The following CASZ1 variants were observed in gnomAD, a reference collection of about 807,000 sequenced individuals.
CASZ1 encodes the protein castor zinc finger 1, also known as zinc finger protein castor homolog 1.
In CASZ1, 28 loss-of-function variants were observed where a neutral mutation model predicts 135.2. That is an observed-to-expected ratio of 0.21 (90% CI 0.15 to 0.28). The LOEUF (loss-of-function observed/expected upper bound fraction) is 0.28, where lower values mean the gene tolerates loss of function less well. Among genes scored for constraint, CASZ1 ranks in the 10% least tolerant of loss-of-function variants. CASZ1 has a pLI of 1.00. For synonymous variants in CASZ1, 1,068 were observed against 1,073.4 expected (o/e 0.99, Z 0.10); for missense variants, 2,161 against 2,453.3 (o/e 0.88, Z 2.52).
rs1219629656 is a variant in CASZ1, at chr1:10,638,962, T to A, written c.5260A>T (p.Thr1754Ser). ...AALGAPGPAP[T>S]AASSP Reference sequence around the variant, plus strand: ...CGCCGCTAGGGCGAGGAGGCTGCAGTGGGCGCGGGGCCGGGGGCGCCCAGG... The same window carrying A: ...CGCCGCTAGGGCGAGGAGGCTGCAGAGGGCGCGGGGCCGGGGGCGCCCAGG... The change falls in exon 21 of 21, where the codon ACT (threonine) becomes TCT (serine). Residue 1754 changes from threonine (T) to serine (S), a missense_variant. Thr to Ser is a moderately conservative substitution (Grantham distance 58). Transcript: ENST00000377022. The surrounding 1 kb of genome is among the most constrained non-coding windows in gnomAD (Gnocchi z 5.9). The A allele has an allele frequency of 1.0e-5, 10 of 980,212 alleles. No individual in the cohort carries two copies. Among genetic ancestry groups the A allele is most frequent in the Non-Finnish European group, 1.1e-5 (9 of 828,214 alleles). The allele number at this position is 980,212 out of a possible 1,614,324, so 60.7% of individuals were successfully genotyped here.
intron 9 of CASZ1, 145 bp downstream of exon 9, chr1:10,655,504 G>A (rs999926977): frequency 1.2e-6 from 1 of 810,708 alleles, no homozygotes; most frequent in Non-Finnish European, 1.9e-6. Flanking sequence ...GGCCATCCCT[G>A]TGCTGGGCCA....
chr1:10,749,772 T>C (rs551601530), intron 2 of CASZ1, among the ~76,000 whole-genome samples: 14 of 152,316 alleles, frequency 9.2e-5, no homozygotes, highest in African/African-American at 3.1e-4. Flanking sequence ...AGCGTGCCCC[T>C]ATTTCTTAGA....
rs1254392157 is a variant in CASZ1 at position 10,653,668 on chromosome 1, T to A, written c.2389A>T (p.Thr797Ser). The A allele has an allele frequency of 6.4e-7, 1 of 1,556,002 alleles. No individual in the cohort carries two copies. The highest frequency in any genetic ancestry group is 2.3e-5 in the East Asian group (1 of 44,318). Residue 797 changes from threonine to serine, a missense_variant, in exon 11 of 21, where the codon ACC becomes TCC. This residue lies in a region of CASZ1 where 406 missense variants were observed against 387.6 expected (regional missense o/e 1.05). Coordinates refer to ENST00000377022, the MANE Select transcript of CASZ1 (RefSeq NM_001079843.3). The part of the protein sequence containing the change: ...ALALSNSGLP[T>S]PTPYFPILAG... ...AGTATGGGGAAGTAGGGCGTGGGGG[T>A]GGGCAGGCCCGAGTTGGAGAGGGCC...
At chr1:10,770,108 A>T (rs1640548768) in intron 1 of CASZ1, among the ~76,000 whole-genome samples, 1 of 151,678 alleles carries the variant, frequency 6.6e-6, no homozygotes, top group Non-Finnish European at 1.5e-5. Flanking sequence ...TTTTTGAGAC[A>T]GGGCCTGGCT....
chr1:10,685,104 C>T (rs1320631796), intron 4 of CASZ1, among the ~76,000 whole-genome samples: 1 of 152,258 alleles, frequency 6.6e-6, no homozygotes, highest in Non-Finnish European at 1.5e-5. Context: ...TTGGAAATTA[C>T]TCCTTACCCA....
Position 10,711,168 on chromosome 1 carries a change from G to A in CASZ1, c.-76-5624C>T, listed in dbSNP as rs1418144140. 2.6e-5 allele frequency among the ~76,000 whole-genome samples: 4 copies of A among 152,192 alleles called. No individual in the cohort carries two copies. The highest frequency in any genetic ancestry group is 1.9e-4 in the East Asian group (1 of 5,192). On this transcript the variant is annotated intron_variant, in intron 2 of 20. Coordinates refer to ENST00000377022, the MANE Select transcript of CASZ1 (RefSeq NM_001079843.3). This position sits in a 1 kb window ranked among gnomAD's most constrained non-coding sequence, Gnocchi z 4.4. ...AAGAAAAAGACAGCATACAAAAGTC[G>A]AGTTGGTGAGAATTGAGTTTGAATC...
chr1:10,777,725 C>T lies in CASZ1; in HGVS notation c.-233-16868G>A, dbSNP rs1006700774. ...TCTCATACAAAATCACACACAAAAC[C>T]ACATACCACGTTACAATCACACACA... On this transcript the variant is annotated intron_variant, in intron 1 of 20. Coordinates refer to ENST00000377022, the MANE Select transcript of CASZ1 (RefSeq NM_001079843.3). This position sits in a 1 kb window ranked among gnomAD's most constrained non-coding sequence, Gnocchi z 4.4. Among the ~76,000 whole-genome samples the T allele has an allele frequency of 6.6e-6, 1 of 151,364 alleles. No individual in the cohort carries two copies. The highest frequency in any genetic ancestry group is 2.1e-4 in the South Asian group (1 of 4,792).
At position 10,694,278 on chromosome 1, in the gene CASZ1, G is replaced by A; in HGVS notation, c.-23-366C>T. 2 of 1,058,276 alleles carry A rather than the reference G, an allele frequency of 1.9e-6. No individual in the cohort carries two copies. Among genetic ancestry groups the A allele is most frequent in the Non-Finnish European group, 2.3e-6 (2 of 865,610 alleles). The allele number at this position is 1,058,276 out of a possible 1,614,324, so 65.6% of individuals were successfully genotyped here. A position where few individuals can be genotyped will look rare whatever the true frequency, so the allele number is the denominator to read the frequency against. On this transcript the variant is annotated intron_variant, in intron 3 of 20. Coordinates refer to ENST00000377022, the MANE Select transcript of CASZ1 (RefSeq NM_001079843.3). The surrounding 1 kb of genome is among the most constrained non-coding windows in gnomAD (Gnocchi z 6.6). ...AGACCGCGGCCCCCGGGCCTCCCCC[G>A]CCCGCGCCCGGTACTCACCATAGTC...
intron 1 of CASZ1, among the ~76,000 whole-genome samples, chr1:10,765,415 C>T (rs557392808): frequency 1.6e-4 from 25 of 152,074 alleles, no homozygotes; most frequent in Non-Finnish European, 3.1e-4. Flanking sequence ...ATAAAAAAAT[C>T]CACATCTTAA....
At chr1:10,662,791 C>T (rs1643093246) in intron 5 of CASZ1, among the ~76,000 whole-genome samples, 1 of 152,174 alleles carries the variant, frequency 6.6e-6, no homozygotes, top group African/African-American at 2.4e-5. Context: ...TCACCAGCTC[C>T]CATCCCTAGC....
Position 10,637,726 on chromosome 1 carries a change from C to T in CASZ1, c.*1216G>A, listed in dbSNP as rs1299709241. On this transcript the variant is annotated 3_prime_UTR_variant, in exon 21 of 21. Coordinates refer to ENST00000377022, the MANE Select transcript of CASZ1 (RefSeq NM_001079843.3). ...CTGGCCCGGGCTTCGATGGCATCAT[C>T]ATCTCCAGGAAGGGGGATGTTTTGC... 2.6e-5 allele frequency: 4 copies of T among 152,322 alleles called. No individual in the cohort carries two copies. Among genetic ancestry groups the T allele is most frequent in the Non-Finnish European group, 5.9e-5 (4 of 68,018 alleles). 9.4% of individuals were successfully genotyped at this position (152,322 alleles called of 1,614,324 possible).
intron 1 of CASZ1, among the ~76,000 whole-genome samples, chr1:10,792,830 T>C (rs1287906061): frequency 1.3e-5 from 2 of 152,092 alleles, no homozygotes; most frequent in African/African-American, 2.4e-5. Flanking sequence ...AATTGAACTT[T>C]AAAATATTTG....
rs1639620713 is a variant in CASZ1, at chr1:10,727,574, C to A, written c.-76-22030G>T. Among the ~76,000 whole-genome samples, 1 of 152,144 alleles carries A rather than the reference C, an allele frequency of 6.6e-6. No homozygotes were observed. Among genetic ancestry groups the A allele is most frequent in the African/African-American group, 2.4e-5 (1 of 41,426 alleles). On this transcript the variant is annotated intron_variant, in intron 2 of 20. Transcript: ENST00000377022. This position sits in a 1 kb window ranked among gnomAD's most constrained non-coding sequence, Gnocchi z 5.3. ...TTCCTTGGTCCCCATAGCCCCCAAG[C>A]CAGGTTCCTAGACTCCAAGAATGAG... is the stretch of plus-strand genomic sequence containing the variant.
intron 4 of CASZ1, among the ~76,000 whole-genome samples, chr1:10,672,688 G>A (rs1428919684): frequency 6.6e-6 from 1 of 151,994 alleles, no homozygotes; most frequent in East Asian, 1.9e-4. Flanking sequence ...TCTAATTTGC[G>A]TCAGTGCTGA....
At chr1:10,789,559 T>C (rs1489122584) in intron 1 of CASZ1, among the ~76,000 whole-genome samples, 1 of 151,900 alleles carries the variant, frequency 6.6e-6, no homozygotes, top group Non-Finnish European at 1.5e-5. Context: ...CCTCTCTCTC[T>C]CTTTCTCTCT....
chr1:10,649,698 C>A, intron 13 of CASZ1: 1 of 447,578 alleles, frequency 2.2e-6, no homozygotes, highest in Non-Finnish European at 4.0e-6. Context: ...ATCCATCACT[C>A]AAGCCGAGGC....
In CASZ1 at chr1:10,714,277, C is replaced by T. The variant is rs1406833250; in HGVS notation, c.-76-8733G>A. 2.6e-5 allele frequency among the ~76,000 whole-genome samples: 4 copies of T among 152,176 alleles called. No homozygotes were observed. The East Asian group carries it at 7.7e-4, about 29-fold the overall frequency. ...GAGCCGAGATCGTGCCACTGCACTCCAGCCTGGGCAACAGAACAAGACTCC... is the reference window on the plus strand; with the variant it reads ...GAGCCGAGATCGTGCCACTGCACTCTAGCCTGGGCAACAGAACAAGACTCC... On this transcript the variant is annotated intron_variant, in intron 2 of 20. Transcript: ENST00000377022.
intron 3 of CASZ1, among the ~76,000 whole-genome samples, chr1:10,695,924 C>T (rs1298629468): frequency 6.6e-6 from 1 of 152,094 alleles, no homozygotes; most frequent in African/African-American, 2.4e-5. Context: ...CTTCACCTAC[C>T]CTGCTGCCCT....
At position 10,658,150 on chromosome 1, in the gene CASZ1, C is replaced by T. The variant is rs999111892; in HGVS notation, c.1409+358G>A. ...ACCTGGCCTGCCTCTACCTTCCCAG[C>T]CCTGACAGTTTCACGGTGGCCTGCA... On this transcript the variant is annotated intron_variant, in intron 7 of 20. Transcript: ENST00000377022. 1.6e-5 allele frequency: 4 copies of T among 249,996 alleles called. No individual in the cohort carries two copies. In the East Asian group the frequency reaches 3.4e-4, roughly 21 times the overall value. 15.5% of individuals were successfully genotyped at this position (249,996 alleles called of 1,614,324 possible).
Sources: gnomAD v4.1 joint callset for allele counts (sites outside exome capture counted in the v4.1 genomes callset) on GRCh38, gnomAD v4.1.1 for gene constraint, gnomAD v4.1.1 regional missense constraint, Gnocchi (gnomAD v3.1) non-coding constraint, MANE v1.5 for transcripts, NCBI Gene and HGNC (gene_info 2026-07-23, HGNC 2026-07-21) for gene names.